The following LRMDA variants were observed in gnomAD, a reference collection of about 807,000 sequenced individuals.
LRMDA encodes the protein leucine-rich melanocyte differentiation-associated protein.
A neutral mutation model predicts 29.8 loss-of-function variants in LRMDA; 18 were observed. The observed-to-expected ratio is 0.60, with a 90% confidence interval of 0.42 to 0.90. The LOEUF is 0.90. Ranked by LOEUF, LRMDA falls within the 40% of genes least tolerant of loss-of-function variation. LRMDA has a pLI of 0.00. For missense variants in LRMDA, 273 were observed against 273.9 expected, an observed-to-expected ratio of 1.00 and a Z score of 0.02; for synonymous variants, 125 against 109.4, an observed-to-expected ratio of 1.14 and a Z score of -0.89.
At chr10:76,203,789 C>T (rs991269720) in intron 5 of LRMDA, among the ~76,000 whole-genome samples, 1 of 149,238 alleles carries the variant, frequency 6.7e-6, no homozygotes, top group African/African-American at 2.5e-5. Context: ...ATTTCATGTG[C>T]CCATCCACCC....
rs1178291154 is a variant in LRMDA, at chr10:76,325,334, C to T, written c.601+849C>T. On this transcript the variant is annotated intron_variant, in intron 6 of 6. Transcript: ENST00000611255. ...GCAGGAAACGAAGAAGAGAGTAGTG[C>T]AGGATTTCCGATGTCTGTGGCTTGG... is the stretch of plus-strand genomic sequence containing the variant. 2.6e-5 allele frequency among the ~76,000 whole-genome samples: 4 copies of T among 152,314 alleles called. No homozygotes were observed. In the East Asian group the frequency reaches 5.8e-4, roughly 22 times the overall value.
At chr10:75,782,293 G>A (rs1041161064) in intron 2 of LRMDA, among the ~76,000 whole-genome samples, 4 of 152,160 alleles carry the variant, frequency 2.6e-5, no homozygotes, top group African/African-American at 7.2e-5. Context: ...GTTTGTGTGT[G>A]GGGGTGTGTG....
intron 5 of LRMDA, among the ~76,000 whole-genome samples, chr10:76,109,542 A>C (rs768713818): frequency 3.4e-4 from 51 of 152,184 alleles, no homozygotes; most frequent in Non-Finnish European, 6.8e-4. Context: ...CCCTTTAAGC[A>C]ACCACCCTAC....
intron 5 of LRMDA, among the ~76,000 whole-genome samples, chr10:76,312,855 A>G (rs1840646483): frequency 6.6e-6 from 1 of 151,870 alleles, no homozygotes; most frequent in Non-Finnish European, 1.5e-5. Context: ...TGTCTCTGTC[A>G]TGGCTACTGT....
chr10:76,304,307 G>A (rs527895906), intron 5 of LRMDA, among the ~76,000 whole-genome samples: 51 of 152,322 alleles, frequency 3.3e-4, no homozygotes, highest in African/African-American at 1.2e-3. Context: ...TACAGGCTTG[G>A]TTTTGTGTTT....
intron 2 of LRMDA, among the ~76,000 whole-genome samples, chr10:76,022,981 A>G (rs1309955653): frequency 6.6e-6 from 1 of 152,078 alleles, no homozygotes; most frequent in Non-Finnish European, 1.5e-5. Flanking sequence ...AGTGCGATGA[A>G]TTAACCAATG....
chr10:75,637,162 G>A (rs1220381581), intron 2 of LRMDA, among the ~76,000 whole-genome samples: 1 of 152,176 alleles, frequency 6.6e-6, no homozygotes, highest in Non-Finnish European at 1.5e-5. Context: ...ACTGATAGAC[G>A]CTACAGTTTC....
intron 2 of LRMDA, among the ~76,000 whole-genome samples, chr10:75,609,907 C>T (rs1841006582): frequency 6.6e-6 from 1 of 152,120 alleles, no homozygotes; most frequent in Non-Finnish European, 1.5e-5. Flanking sequence ...GGAAAGAATG[C>T]CCAGTCTCCA....
chr10:75,544,164 A>T (rs1469372151), intron 2 of LRMDA, among the ~76,000 whole-genome samples: 1 of 152,158 alleles, frequency 6.6e-6, no homozygotes, highest in Non-Finnish European at 1.5e-5. Flanking sequence ...ATAAGTTTTG[A>T]TGGTGAACCT....
At chr10:76,542,209 A>C (rs1004255903) in intron 6 of LRMDA, among the ~76,000 whole-genome samples, 1 of 152,204 alleles carries the variant, frequency 6.6e-6, no homozygotes, top group Admixed American at 6.5e-5. Flanking sequence ...GATTATGTAT[A>C]ATAGATGACC....
chr10:76,238,739 GATA>G (rs1589388849), intron 5 of LRMDA, among the ~76,000 whole-genome samples: 1 of 149,896 alleles, frequency 6.7e-6, no homozygotes, highest in African/African-American at 2.5e-5. Context: ...TGATGATGAT[GATA>G]ATAGCTAACA....
intron 2 of LRMDA, among the ~76,000 whole-genome samples, chr10:75,955,634 A>G (rs750650290): frequency 6.6e-6 from 1 of 152,224 alleles, no homozygotes; most frequent in Non-Finnish European, 1.5e-5. Flanking sequence ...TTAATGTAAC[A>G]AAAGAGCTAA....
chr10:76,518,349 G>A (rs974861462), intron 6 of LRMDA, among the ~76,000 whole-genome samples: 5 of 149,056 alleles, frequency 3.4e-5, no homozygotes, highest in African/African-American at 7.4e-5. Context: ...TATCTCTGTC[G>A]AATAGAATAT....
chr10:75,644,660 C>T (rs532473901), intron 2 of LRMDA, among the ~76,000 whole-genome samples: 2 of 152,152 alleles, frequency 1.3e-5, no homozygotes, highest in South Asian at 4.2e-4. Flanking sequence ...CACACTGGAC[C>T]CTTAGGCTTT....
At chr10:75,435,079 C>G (rs1474569912) in intron 1 of LRMDA, among the ~76,000 whole-genome samples, 1 of 152,172 alleles carries the variant, frequency 6.6e-6, no homozygotes, top group African/African-American at 2.4e-5. Flanking sequence ...TTATTCCACA[C>G]AGGGTGGAGG....
chr10:75,822,259 G>A (rs1844174633), intron 2 of LRMDA, among the ~76,000 whole-genome samples: 1 of 152,060 alleles, frequency 6.6e-6, no homozygotes, highest in South Asian at 2.1e-4. Context: ...TCTAATCAAG[G>A]AGGTGAAATA....
intron 6 of LRMDA, among the ~76,000 whole-genome samples, chr10:76,325,227 G>A (rs1840819626): frequency 6.6e-6 from 1 of 152,140 alleles, no homozygotes. Flanking sequence ...GGAAGAACAG[G>A]CTGTGGTGAT....
At chr10:75,449,310 T>C (rs141059052) in intron 2 of LRMDA, among the ~76,000 whole-genome samples, 1 of 152,270 alleles carries the variant, frequency 6.6e-6, no homozygotes, top group African/African-American at 2.4e-5. Context: ...ATTTCACAGA[T>C]GAAGCAACTG....
At chr10:76,505,443 T>A (rs890085876) in intron 6 of LRMDA, among the ~76,000 whole-genome samples, 5 of 152,086 alleles carry the variant, frequency 3.3e-5, no homozygotes, top group Admixed American at 6.6e-5. Context: ...ATTTCTCAGA[T>A]GTTTTGTTCA....
Sources: allele counts gnomAD v4.1 joint callset (sites outside exome capture counted in the v4.1 genomes callset), GRCh38; gene constraint gnomAD v4.1.1; transcripts MANE v1.5; gene names NCBI Gene and HGNC (gene_info 2026-07-23, HGNC 2026-07-21).